DCX: variants seen among roughly 807,000 people sequenced by gnomAD.
DCX encodes doublecortin, also known as neuronal migration protein doublecortin.
Under a neutral mutation model 20.9 loss-of-function variants are expected in DCX, and 4 were observed. That is an observed-to-expected ratio of 0.19 (90% confidence interval 0.09 to 0.44). DCX has a LOEUF of 0.44. Among genes scored for constraint, DCX ranks in the 20% least tolerant of loss-of-function variants. The probability of loss-of-function intolerance (pLI) is 0.99; values close to 1 mark genes in which losing one functional copy is unlikely to be tolerated. For missense variants in DCX, 133 were observed against 296.9 expected (o/e 0.45, Z 4.06); for synonymous variants, 103 against 111.4 (o/e 0.92, Z 0.47).
chrX:111,408,802 C>A (rs751761950), intron 2 of DCX, among the ~76,000 whole-genome samples: 1 of 111,940 alleles, frequency 8.9e-6, no homozygotes, highest in Non-Finnish European at 1.9e-5. Context: ...TGGGCAACAG[C>A]AGCTATTTGA....
chrX:111,346,467 G>T (rs933881297), intron 3 of DCX, among the ~76,000 whole-genome samples: 1 of 112,606 alleles, frequency 8.9e-6, no homozygotes, highest in East Asian at 2.8e-4. Context: ...GACAAAGATT[G>T]TGTGATTCCA....
intron 5 of DCX, 62 bp from the exon 6 acceptor site, chrX:111,312,798 T>A (rs2095060578): frequency 9.4e-7 from 1 of 1,059,960 alleles, no homozygotes; most frequent in Non-Finnish European, 1.3e-6. Context: ...GAGCAAGTTA[T>A]CCTTCCCCTC....
intron 3 of DCX, among the ~76,000 whole-genome samples, chrX:111,352,013 C>T (rs950777926): frequency 1.8e-5 from 2 of 112,124 alleles, no homozygotes; most frequent in Non-Finnish European, 3.8e-5. Flanking sequence ...GAGGGAGCCA[C>T]TGTGCCTGGC....
intron 3 of DCX, among the ~76,000 whole-genome samples, chrX:111,371,690 T>A (rs192441162): frequency 2.3e-4 from 25 of 110,894 alleles, no homozygotes; most frequent in Admixed American, 2.2e-3. Context: ...TACTGTTAGA[T>A]CTCCATGACA....
chrX:111,399,831 T>A (rs1236874547), intron 3 of DCX, among the ~76,000 whole-genome samples: 1 of 111,622 alleles, frequency 9.0e-6, no homozygotes, highest in African/African-American at 3.3e-5. Flanking sequence ...AAGTCAGGTA[T>A]AACCAATGTG....
At chrX:111,383,093 G>A (rs1051719078) in intron 3 of DCX, among the ~76,000 whole-genome samples, 4 of 111,069 alleles carry the variant, frequency 3.6e-5, no homozygotes, top group African/African-American at 1.3e-4. Flanking sequence ...CAAGCTGAGT[G>A]TAAGCCAAAG....
chrX:111,385,198 A>G (rs1237098296), intron 3 of DCX, among the ~76,000 whole-genome samples: 1 of 112,127 alleles, frequency 8.9e-6, no homozygotes, highest in Non-Finnish European at 1.9e-5. Flanking sequence ...CTTTATATAC[A>G]TCCTATTGGT....
chrX:111,388,318 G>A (rs1193898156), intron 3 of DCX, among the ~76,000 whole-genome samples: 1 of 111,577 alleles, frequency 9.0e-6, no homozygotes, highest in Non-Finnish European at 1.9e-5. Context: ...GTGATTGTTG[G>A]TACTCTATCA....
chrX:111,408,632 G>GAGAAAGAAAGAAAGAAAGAAAGAA (rs61699743), intron 2 of DCX, among the ~76,000 whole-genome samples: 3 of 78,000 alleles, frequency 3.8e-5, no homozygotes, highest in Admixed American at 1.6e-4. Flanking sequence ...AGAAAGAAAA[G>GAGAAAGAAAGAAAGAAAGAAAGAA]AGAAAGAAAG....
intron 6 of DCX, among the ~76,000 whole-genome samples, chrX:111,312,216 A>G (rs2095059282): frequency 8.9e-6 from 1 of 112,142 alleles, no homozygotes; most frequent in African/African-American, 3.2e-5. Context: ...GTAAATCTAA[A>G]TGGAGTAAGT....
chrX:111,336,598 G>A (rs940466302), intron 3 of DCX, among the ~76,000 whole-genome samples: 2 of 112,096 alleles, frequency 1.8e-5, no homozygotes, highest in African/African-American at 6.5e-5. Flanking sequence ...AGAACTCAAA[G>A]CGCAGAGAGT....
At chrX:111,370,755 G>A (rs1433769289) in intron 3 of DCX, among the ~76,000 whole-genome samples, 1 of 108,909 alleles carries the variant, frequency 9.2e-6, no homozygotes, top group Non-Finnish European at 1.9e-5. Context: ...AACCTTGGCT[G>A]GATGTTAGGA....
intron 4 of DCX, among the ~76,000 whole-genome samples, chrX:111,331,304 C>G (rs1921223097): frequency 9.0e-6 from 1 of 111,519 alleles, no homozygotes; most frequent in Admixed American, 9.5e-5. Flanking sequence ...GTCAAGTAGG[C>G]AATTAAATAG....
chrX:111,342,913 A>G (rs778088890), intron 3 of DCX, among the ~76,000 whole-genome samples: 5 of 111,540 alleles, frequency 4.5e-5, no homozygotes, highest in Non-Finnish European at 9.4e-5. Context: ...ACACAGCTAA[A>G]GCAGTGTTAA....
chrX:111,305,688 C>T (rs1223243774), intron 6 of DCX, among the ~76,000 whole-genome samples: 1 of 103,531 alleles, frequency 9.7e-6, no homozygotes, highest in Admixed American at 1.1e-4. Context: ...CTGTGTCTGG[C>T]TTATTTCAAA....
chrX:111,362,670 C>A (rs1231585120), intron 3 of DCX, among the ~76,000 whole-genome samples: 5 of 111,542 alleles, frequency 4.5e-5, no homozygotes, highest in East Asian at 2.8e-4. Context: ...ATGCCTGGGG[C>A]TAGAGACAGC....
chrX:111,333,995 C>T (rs778591713), intron 3 of DCX, among the ~76,000 whole-genome samples: 6 of 111,710 alleles, frequency 5.4e-5, no homozygotes, highest in Non-Finnish European at 9.4e-5. Flanking sequence ...CCTGGAGGAA[C>T]CATAAAGTCA....
intron 5 of DCX, among the ~76,000 whole-genome samples, chrX:111,320,273 G>A (rs2095083350): frequency 8.9e-6 from 1 of 111,759 alleles, no homozygotes; most frequent in South Asian, 3.7e-4. Context: ...GATTCTGTGG[G>A]GAAAAAAATC....
At position 111,401,289 on chromosome X, in the gene DCX, C is replaced by G. The variant is rs747419740; in HGVS notation, c.406G>C (p.Val136Leu). The part of the protein sequence containing the change: ...VCSSDNFFKK[V>L]EYTKNVNPNW... ...GGATTGACATTCTTGGTGTACTCCA[C>G]CTTTTTAAAGAAGTTGTCTGAGGAA... The change falls in exon 3 of 7, where the codon GTG becomes CTG. Residue 136 changes from valine (V) to leucine (L), a missense_variant. Val to Leu is a conservative substitution (Grantham distance 32). Transcript: ENST00000636035. The G allele has an allele frequency of 5.0e-6, 6 of 1,210,058 alleles. No individual in the cohort carries two copies. In the South Asian group the frequency reaches 1.1e-4, roughly 21 times the overall value.
Sources: allele counts gnomAD v4.1 joint callset (sites outside exome capture counted in the v4.1 genomes callset), GRCh38; gene constraint gnomAD v4.1.1; transcripts MANE v1.5; gene names NCBI Gene and HGNC (gene_info 2026-07-23, HGNC 2026-07-21).